FAM120A: variants seen among roughly 807,000 people sequenced by gnomAD.
The protein encoded by FAM120A is constitutive coactivator of PPAR-gamma-like protein 1.
FAM120A carries 15 observed loss-of-function variants against 109.7 expected under a neutral mutation model. That is an observed-to-expected ratio of 0.14 (90% confidence interval 0.09 to 0.21). The LOEUF is 0.21. Ranked by LOEUF, FAM120A falls within the 10% of genes least tolerant of loss-of-function variation. FAM120A has a pLI of 1.00. For synonymous variants in FAM120A, 493 were observed against 572.8 expected, an observed-to-expected ratio of 0.86 and a Z score of 1.99; for missense variants, 899 against 1,439.3, an observed-to-expected ratio of 0.62 and a Z score of 6.07.
Position 93,529,588 on chromosome 9 carries a change from C to G in FAM120A, c.1734+8C>G, listed in dbSNP as rs1311416892. 1 of 1,612,908 alleles carries G rather than the reference C, an allele frequency of 6.2e-7. No homozygotes were observed. Among genetic ancestry groups the G allele is most frequent in the South Asian group, 1.1e-5 (1 of 91,044 alleles). ...TTCCATGTCCTGACGAAGGTATTATCAAAGGGGCCCTGGAGTGGCTTCTGT... is the reference window on the plus strand; with the variant it reads ...TTCCATGTCCTGACGAAGGTATTATGAAAGGGGCCCTGGAGTGGCTTCTGT... On this transcript the variant is annotated splice_region_variant and intron_variant, in intron 9 of 17. Transcript: ENST00000277165.
At chr9:93,483,528 C>G (rs1677316239) in intron 3 of FAM120A, among the ~76,000 whole-genome samples, 1 of 151,782 alleles carries the variant, frequency 6.6e-6, no homozygotes, top group Admixed American at 6.6e-5. Flanking sequence ...CCTATGTTAT[C>G]TTTTTAAAAA....
At chr9:93,501,467 C>G (rs538244606) in intron 5 of FAM120A, among the ~76,000 whole-genome samples, 1 of 152,222 alleles carries the variant, frequency 6.6e-6, no homozygotes, top group East Asian at 1.9e-4. Context: ...ATTTTCACTA[C>G]TCGGTGGTTT....
rs1588847199 is a variant in FAM120A, at chr9:93,500,479, C to T, written c.1030+1593C>T. Among the ~76,000 whole-genome samples the T allele has an allele frequency of 6.6e-6, 1 of 152,214 alleles. No homozygotes were observed. Among genetic ancestry groups the T allele is most frequent in the Non-Finnish European group, 1.5e-5 (1 of 68,040 alleles). On this transcript the variant is annotated intron_variant, in intron 5 of 17. Coordinates refer to ENST00000277165, the MANE Select transcript of FAM120A (RefSeq NM_014612.5). This position sits in a 1 kb window ranked among gnomAD's most constrained non-coding sequence, Gnocchi z 4.6. Reference sequence around the variant, plus strand: ...AGGTCTGCCTGGCTTTAAATCTCTGCACACTCCTTGGCTTCTATTTGTCAC... The same window carrying T: ...AGGTCTGCCTGGCTTTAAATCTCTGTACACTCCTTGGCTTCTATTTGTCAC...
intron 7 of FAM120A, among the ~76,000 whole-genome samples, chr9:93,521,320 T>C (rs73518046): frequency 1.1e-3 from 170 of 152,152 alleles, no homozygotes; most frequent in African/African-American, 3.3e-3. Context: ...AGTTTGGCAA[T>C]AAAATAAGAA....
intron 17 of FAM120A, among the ~76,000 whole-genome samples, chr9:93,563,821 A>G (rs1424322085): frequency 6.6e-6 from 1 of 152,222 alleles, no homozygotes; most frequent in African/African-American, 2.4e-5. Flanking sequence ...CCCAGTAGAA[A>G]TGGGGTGTGT....
At position 93,543,352 on chromosome 9, in the gene FAM120A, G is replaced by A. The variant is rs765907998; in HGVS notation, c.2040G>A (p.Ala680=). 26 of 1,614,154 alleles carry A rather than the reference G, an allele frequency of 1.6e-5. No individual in the cohort carries two copies. The highest frequency in any genetic ancestry group is 2.1e-5 in the Non-Finnish European group (25 of 1,180,018). ...PNLKRLWLGK[A]VEDKNRRMRA... ...TGAAGAGGCTGTGGTTGGGTAAGGC[G>A]GTAGAGGACAAGAACCGCAGGATGA... Residue 680 remains alanine (A), a synonymous_variant, in exon 11 of 18, where the codon GCG becomes GCA. Coordinates refer to ENST00000277165, the MANE Select transcript of FAM120A (RefSeq NM_014612.5).
intron 17 of FAM120A, 21 bp from the exon 18 acceptor site, chr9:93,564,205 TTTG>T (rs1239486665): frequency 1.3e-6 from 2 of 1,586,526 alleles, no homozygotes; most frequent in Non-Finnish European, 1.7e-6. Flanking sequence ...CACCTTCTCA[TTTG>T]TTGTCCTTCA....
chr9:93,465,317 T>TA (rs1440974301), intron 1 of FAM120A, among the ~76,000 whole-genome samples: 4 of 152,248 alleles, frequency 2.6e-5, no homozygotes, highest in Non-Finnish European at 5.9e-5. Flanking sequence ...TTGGGCCTCT[T>TA]ACGAATATTC....
At position 93,543,206 on chromosome 9, in the gene FAM120A, CT is replaced by C. The variant is rs759668544; in HGVS notation, c.1910-8del. ...TGATGCATGAATGTGTCTTCTCTGG[CT>C]TTTTTTTCCTGTAGTTTCACCAGTG... On this transcript the variant is annotated splice_polypyrimidine_tract_variant and intron_variant, in intron 10 of 17. Transcript: ENST00000277165. 1.1e-5 allele frequency: 17 copies of C among 1,609,666 alleles called. No homozygotes were observed. The South Asian group carries it at 1.2e-4, about 11-fold the overall frequency.
intron 3 of FAM120A, among the ~76,000 whole-genome samples, chr9:93,477,863 T>A (rs1858614003): frequency 6.6e-6 from 1 of 152,260 alleles, no homozygotes; most frequent in East Asian, 1.9e-4. Context: ...ATTATATGTG[T>A]GTTTTTCCTA....
rs747774991 is a variant in FAM120A at position 93,558,703 on chromosome 9, A to G, written c.2791A>G (p.Ser931Gly). ...AFSGSDSSRT[S>G]KSQGGVQPIP... is the part of the protein sequence containing the mutation. Reference sequence around the variant, plus strand: ...CTCAGGCAGTGACAGCAGCAGGACTAGCAAGTCCCAGGGCGGTAATTATAC... The same window carrying G: ...CTCAGGCAGTGACAGCAGCAGGACTGGCAAGTCCCAGGGCGGTAATTATAC... Residue 931 changes from serine to glycine, a missense_variant, in exon 15 of 18, where the codon AGC becomes GGC. Ser to Gly is a moderately conservative substitution (Grantham distance 56, BLOSUM62 0). Transcript: ENST00000277165. 6.2e-7 allele frequency: 1 copy of G among 1,614,026 alleles called. No homozygotes were observed.
chr9:93,497,667 C>A, intron 4 of FAM120A, 68 bp downstream of exon 4: 1 of 1,521,824 alleles, frequency 6.6e-7, no homozygotes. Flanking sequence ...GTGGTGTGGC[C>A]AGGTTTGGAA....
chr9:93,561,983 C>G (rs1043699729), intron 16 of FAM120A, among the ~76,000 whole-genome samples: 3 of 152,286 alleles, frequency 2.0e-5, no homozygotes, highest in East Asian at 1.9e-4. Flanking sequence ...CCTGTTTACG[C>G]CTAGTGTTCC....
chr9:93,556,622 A>AAG, intron 13 of FAM120A, 31 bp downstream of exon 13: 2 of 1,584,062 alleles, frequency 1.3e-6, no homozygotes, highest in Non-Finnish European at 8.7e-7. Context: ...GCTGCCTTTA[A>AAG]CTGCAATGAA....
chr9:93,548,378 G>A (rs1262114931), intron 11 of FAM120A, among the ~76,000 whole-genome samples: 11 of 152,086 alleles, frequency 7.2e-5, no homozygotes, highest in Admixed American at 7.2e-4. Context: ...CCAAAGTGCT[G>A]GGATTACAAC....
At chr9:93,514,152 C>T (rs1165106182) in intron 5 of FAM120A, among the ~76,000 whole-genome samples, 2 of 152,100 alleles carry the variant, frequency 1.3e-5, no homozygotes, top group African/African-American at 2.4e-5. Context: ...AACAAGGCAG[C>T]GGTAAGAAGT....
intron 12 of FAM120A, among the ~76,000 whole-genome samples, chr9:93,553,084 G>A (rs186665625): frequency 1.3e-5 from 2 of 152,322 alleles, no homozygotes; most frequent in Admixed American, 1.3e-4. Context: ...ATGAATAATT[G>A]AGAGTGTTCC....
chr9:93,485,696 G>A (rs1011948896), intron 3 of FAM120A, among the ~76,000 whole-genome samples: 3 of 152,076 alleles, frequency 2.0e-5, no homozygotes, highest in East Asian at 1.9e-4. Context: ...CCTTGTCCAG[G>A]GTCAACTTCT....
intron 5 of FAM120A, among the ~76,000 whole-genome samples, chr9:93,511,577 C>T (rs983658678): frequency 6.6e-6 from 1 of 152,220 alleles, no homozygotes; most frequent in Non-Finnish European, 1.5e-5. Context: ...TGACAGTTTC[C>T]TTTCTATAAC....
Sources: gnomAD v4.1 joint callset for allele counts (sites outside exome capture counted in the v4.1 genomes callset) on GRCh38, gnomAD v4.1.1 for gene constraint, Gnocchi (gnomAD v3.1) non-coding constraint, MANE v1.5 for transcripts, NCBI Gene and HGNC (gene_info 2026-07-23, HGNC 2026-07-21) for gene names.